Variants in FMNL2 observed in about 807,000 individuals in gnomAD.
The protein encoded by FMNL2 is formin-like protein 2.
A neutral mutation model predicts 130.2 loss-of-function variants in FMNL2; 51 were observed. The ratio of observed to expected loss-of-function variants is 0.39; its 90% confidence interval spans 0.31 to 0.49. The LOEUF (loss-of-function observed/expected upper bound fraction) is 0.49, where lower values mean the gene tolerates loss of function less well. Ranked by LOEUF, FMNL2 falls within the 20% of genes least tolerant of loss-of-function variation. The pLI is 0.85. For synonymous variants in FMNL2, 465 were observed against 467.1 expected (o/e 1.00, Z 0.06); for missense variants, 977 against 1,316.2 (o/e 0.74, Z 3.99).
In FMNL2 at chr2:152,558,800, C is replaced by T. The variant is rs762797613; in HGVS notation, c.420C>T (p.Leu140=). 6.2e-7 allele frequency: 1 copy of T among 1,612,620 alleles called. No homozygotes were observed. The highest frequency in any genetic ancestry group is 8.5e-7 in the Non-Finnish European group (1 of 1,179,634). Residue 140 remains leucine (L), a synonymous_variant, in exon 5 of 26, where the codon CTC becomes CTT. Coordinates refer to ENST00000288670, the MANE Select transcript of FMNL2 (RefSeq NM_052905.4). ...NKGLDVLVEY[L]SFAQYAVTFD... ...GTCTTGATGTTCTAGTGGAATATCT[C>T]TCATTTGCACAGTACGCGGTAACGT...
At chr2:152,382,803 G>GA (rs1553873205) in intron 1 of FMNL2, among the ~76,000 whole-genome samples, 1 of 152,056 alleles carries the variant, frequency 6.6e-6, no homozygotes, top group African/African-American at 2.4e-5. Flanking sequence ...TAAAGCTGGG[G>GA]AAAAAATAGA....
intron 1 of FMNL2, among the ~76,000 whole-genome samples, chr2:152,357,044 A>G (rs924962607): frequency 2.9e-4 from 40 of 139,790 alleles, no homozygotes; most frequent in South Asian, 9.4e-4. Flanking sequence ...TAAGTTTAAT[A>G]TATCACGATA....
At chr2:152,413,119 C>T (rs1686412946) in intron 1 of FMNL2, among the ~76,000 whole-genome samples, 1 of 152,132 alleles carries the variant, frequency 6.6e-6, no homozygotes, top group African/African-American at 2.4e-5. Context: ...ATTGGCAAGT[C>T]AAGGTGACAG....
chr2:152,626,769 A>G, intron 17 of FMNL2, 42 bp downstream of exon 17: 3 of 1,524,830 alleles, frequency 2.0e-6, no homozygotes, highest in Admixed American at 2.1e-5. Flanking sequence ...TTATGATAAA[A>G]TGAAAATGAG....
intron 2 of FMNL2, among the ~76,000 whole-genome samples, chr2:152,533,897 A>G (rs752103630): frequency 6.6e-6 from 1 of 152,026 alleles, no homozygotes; most frequent in Non-Finnish European, 1.5e-5. Context: ...AATGTTTCCA[A>G]TTTTTTGTTC....
chr2:152,446,136 T>G (rs2106151418), intron 1 of FMNL2, among the ~76,000 whole-genome samples: 1 of 152,346 alleles, frequency 6.6e-6, no homozygotes, highest in South Asian at 2.1e-4. Flanking sequence ...GCCAAGCTCA[T>G]ACTTGGCATT....
At position 152,644,046 on chromosome 2, in the gene FMNL2, A is replaced by G. The variant is rs185046426; in HGVS notation, c.3169+3132A>G. 47 of 277,328 alleles carry G rather than the reference A, an allele frequency of 1.7e-4. No homozygotes were observed. The East Asian group carries it at 8.3e-3, about 49-fold the overall frequency. The allele number at this position is 277,328 out of a possible 1,614,324, so 17.2% of individuals were successfully genotyped here. A position where few individuals can be genotyped will look rare whatever the true frequency, so the allele number is the denominator to read the frequency against. ...GGAGTTTGAGACCAGCCTGGGTAAC[A>G]TAGGGAAGCCCCATCTTTACAAAAA... On this transcript the variant is annotated intron_variant, in intron 25 of 25. Transcript: ENST00000288670.
At chr2:152,546,177 A>G (rs1296644379) in intron 3 of FMNL2, among the ~76,000 whole-genome samples, 2 of 152,154 alleles carry the variant, frequency 1.3e-5, no homozygotes, top group Non-Finnish European at 2.9e-5. Context: ...AGGCGGCATT[A>G]GGGGCTGGGT....
chr2:152,629,193 A>G (rs2105927595), intron 18 of FMNL2, among the ~76,000 whole-genome samples: 1 of 152,316 alleles, frequency 6.6e-6, no homozygotes, highest in South Asian at 2.1e-4. Flanking sequence ...TTCTGCTTAT[A>G]GTAGTATGTC....
chr2:152,607,852 A>G (rs1403003077), intron 10 of FMNL2, among the ~76,000 whole-genome samples: 3 of 152,102 alleles, frequency 2.0e-5, no homozygotes, highest in African/African-American at 7.2e-5. Flanking sequence ...AGTTGACTGT[A>G]TGTATCTCCA....
intron 1 of FMNL2, among the ~76,000 whole-genome samples, chr2:152,340,330 A>T (rs1395725146): frequency 1.3e-5 from 2 of 152,190 alleles, no homozygotes; most frequent in African/African-American, 4.8e-5. Context: ...AACTGGGAAG[A>T]AAAAAAGGGC....
chr2:152,619,549 G>GCCCCCCCCCCCCCC lies in FMNL2; in HGVS notation c.1670_1671insCCCCCCCCCCCCCC (p.Pro562ArgfsTer31), dbSNP rs761337109. On this transcript the variant is annotated frameshift_variant, in exon 15 of 26. Coordinates refer to ENST00000288670, the MANE Select transcript of FMNL2 (RefSeq NM_052905.4). LOFTEE classifies it high-confidence loss of function. ...TAACACCACCTATGCCACCGCCGCC[G>GCCCCCCCCCCCCCC]CCGCCCCCTCCTCCACCTCCTCCTC... is the stretch of plus-strand genomic sequence containing the variant. 7.2e-7 allele frequency: 1 copy of GCCCCCCCCCCCCCC among 1,395,016 alleles called. No individual in the cohort carries two copies. Among genetic ancestry groups the GCCCCCCCCCCCCCC allele is most frequent in the Non-Finnish European group, 9.3e-7 (1 of 1,075,860 alleles). The allele number at this position is 1,395,016 out of a possible 1,614,324, so 86.4% of individuals were successfully genotyped here.
At chr2:152,522,875 T>C (rs946395301) in intron 2 of FMNL2, among the ~76,000 whole-genome samples, 6 of 152,224 alleles carry the variant, frequency 3.9e-5, no homozygotes, top group Non-Finnish European at 8.8e-5. Context: ...AGCTGTTATA[T>C]GATGCTGTCA....
At chr2:152,420,877 T>C (rs1686873830) in intron 1 of FMNL2, among the ~76,000 whole-genome samples, 1 of 152,138 alleles carries the variant, frequency 6.6e-6, no homozygotes. Context: ...AGAAGCATCA[T>C]GAAATTGAGC....
chr2:152,601,693 A>G (rs6716773), intron 9 of FMNL2, among the ~76,000 whole-genome samples: 105,782 of 137,190 alleles, frequency 0.77, 40,692 homozygotes, highest in East Asian at 0.94. Flanking sequence ...TTTTTGAGAC[A>G]GAGTCTCACT....
At chr2:152,383,538 C>T (rs9678127) in intron 1 of FMNL2, among the ~76,000 whole-genome samples, 86,932 of 151,604 alleles carry the variant, frequency 0.57, 25,532 homozygotes, top group South Asian at 0.7. Flanking sequence ...AGTTCGAGAC[C>T]AGCCTGGGCA....
rs1273881800 is a variant in FMNL2, at chr2:152,411,594, A to G, written c.117+75874A>G. Reference sequence around the variant, plus strand: ...AAGAGCCAGCCAGTTATTTTTGCCCATCACTGTAAGTAGGATTACAGCTCA... The same window carrying G: ...AAGAGCCAGCCAGTTATTTTTGCCCGTCACTGTAAGTAGGATTACAGCTCA... On this transcript the variant is annotated intron_variant, in intron 1 of 25. Coordinates refer to ENST00000288670, the MANE Select transcript of FMNL2 (RefSeq NM_052905.4). 3.3e-5 allele frequency among the ~76,000 whole-genome samples: 5 copies of G among 152,206 alleles called. No individual in the cohort carries two copies. The East Asian group carries it at 7.7e-4, about 23-fold the overall frequency.
chr2:152,561,150 T>C, intron 6 of FMNL2, 115 bp downstream of exon 6: 1 of 1,070,956 alleles, frequency 9.3e-7, no homozygotes, highest in Non-Finnish European at 1.3e-6. Flanking sequence ...AGCACTTTCA[T>C]TTGCAATGAC....
intron 1 of FMNL2, among the ~76,000 whole-genome samples, chr2:152,383,110 G>A (rs1009718981): frequency 6.6e-6 from 1 of 152,142 alleles, no homozygotes; most frequent in Non-Finnish European, 1.5e-5. Flanking sequence ...GGAGTGTGGT[G>A]AGGGAGAGAC....
Sources: gnomAD v4.1 joint callset for allele counts (sites outside exome capture counted in the v4.1 genomes callset) on GRCh38, gnomAD v4.1.1 for gene constraint, MANE v1.5 for transcripts, NCBI Gene and HGNC (gene_info 2026-07-23, HGNC 2026-07-21) for gene names.